The following ZNF385D variants were observed in gnomAD, a reference collection of about 807,000 sequenced individuals.
ZNF385D encodes zinc finger protein 385D.
A neutral mutation model predicts 35.8 loss-of-function variants in ZNF385D; 15 were observed. The observed-to-expected ratio is 0.42, with a 90% CI of 0.28 to 0.64. ZNF385D has a LOEUF of 0.64. ZNF385D is among the 30% of genes least tolerant of loss of function. The pLI is 0.23. For synonymous variants in ZNF385D, 212 were observed against 186.8 expected (o/e 1.13, Z -1.10); for missense variants, 474 against 494.6 (o/e 0.96, Z 0.39).
At chr3:22,183,981 A>G (rs1466690341) in intron 2 of ZNF385D, among the ~76,000 whole-genome samples, 1 of 152,192 alleles carries the variant, frequency 6.6e-6, no homozygotes, top group African/African-American at 2.4e-5. Context: ...GTACAAAACT[A>G]TGAGTTTCAC....
chr3:21,468,449 A>G (rs191095896), intron 4 of ZNF385D, among the ~76,000 whole-genome samples: 185 of 151,270 alleles, frequency 1.2e-3, no homozygotes, highest in Middle Eastern at 0.01. Flanking sequence ...TCAGAGTATA[A>G]TTATACATAA....
intron 1 of ZNF385D, among the ~76,000 whole-genome samples, chr3:21,703,688 C>T (rs2067782487): frequency 6.6e-6 from 1 of 151,764 alleles, no homozygotes; most frequent in African/African-American, 2.4e-5. Flanking sequence ...TGGCATTCTC[C>T]TGTGTAAAGA....
intron 2 of ZNF385D, among the ~76,000 whole-genome samples, chr3:22,326,431 A>AT (rs1346199359): frequency 2.6e-5 from 4 of 152,064 alleles, no homozygotes; most frequent in African/African-American, 9.7e-5. Flanking sequence ...TCTTCCAGGC[A>AT]TTTTCTGCAT....
chr3:21,976,647 T>C (rs946455532), intron 3 of ZNF385D, among the ~76,000 whole-genome samples: 3 of 152,204 alleles, frequency 2.0e-5, no homozygotes, highest in Admixed American at 6.5e-5. Flanking sequence ...AACTCCAGAA[T>C]TGGTAAATAT....
At chr3:21,919,303 T>C (rs4094000) in intron 3 of ZNF385D, among the ~76,000 whole-genome samples, 81,323 of 152,010 alleles carry the variant, frequency 0.53, 23,817 homozygotes, top group South Asian at 0.66. Context: ...TCAGGGAGTT[T>C]GACATTTCAT....
intron 3 of ZNF385D, among the ~76,000 whole-genome samples, chr3:21,822,634 A>C (rs1353106206): frequency 6.6e-6 from 1 of 152,198 alleles, no homozygotes; most frequent in African/African-American, 2.4e-5. Context: ...CATGCACAAG[A>C]AAGTTGATAC....
At chr3:22,162,063 A>G (rs1705991838) in intron 3 of ZNF385D, among the ~76,000 whole-genome samples, 1 of 152,146 alleles carries the variant, frequency 6.6e-6, no homozygotes, top group African/African-American at 2.4e-5. Flanking sequence ...AGTACTTGGA[A>G]CAGTTGATGC....
intron 2 of ZNF385D, among the ~76,000 whole-genome samples, chr3:22,286,822 C>T (rs78533867): frequency 0.014 from 2,125 of 152,136 alleles, 39 homozygotes; most frequent in African/African-American, 0.049. Flanking sequence ...GAATCATCCA[C>T]GTGCACATGA....
chr3:21,813,811 A>G (rs1270556245), intron 3 of ZNF385D, among the ~76,000 whole-genome samples: 1 of 152,198 alleles, frequency 6.6e-6, no homozygotes, highest in Admixed American at 6.5e-5. Flanking sequence ...TCCCCAATCT[A>G]GCAAGGCAGG....
At chr3:22,281,529 A>G (rs1204200639) in intron 2 of ZNF385D, among the ~76,000 whole-genome samples, 2 of 152,002 alleles carry the variant, frequency 1.3e-5, no homozygotes, top group Non-Finnish European at 2.9e-5. Flanking sequence ...GTTACGTGGT[A>G]TATCACATTT....
intron 3 of ZNF385D, among the ~76,000 whole-genome samples, chr3:21,954,017 C>G (rs560722900): frequency 2.6e-5 from 4 of 152,022 alleles, no homozygotes; most frequent in African/African-American, 9.7e-5. Flanking sequence ...GGAAAAGATA[C>G]TCAAATTACT....
At chr3:22,244,364 T>TAAAAAAAAAAAAAAAA (rs34497539) in intron 2 of ZNF385D, among the ~76,000 whole-genome samples, 2 of 62,560 alleles carry the variant, frequency 3.2e-5, no homozygotes, top group African/African-American at 5.2e-5. Context: ...CAACCGAATG[T>TAAAAAAAAAAAAAAAA]AAAAAAAAAA....
At chr3:22,194,018 G>T (rs892252039) in intron 2 of ZNF385D, among the ~76,000 whole-genome samples, 2 of 151,738 alleles carry the variant, frequency 1.3e-5, no homozygotes, top group Non-Finnish European at 2.9e-5. Context: ...TTTTATTTTT[G>T]ATTAGGAGGT....
At chr3:21,996,548 A>T (rs985982546) in intron 3 of ZNF385D, among the ~76,000 whole-genome samples, 6 of 152,106 alleles carry the variant, frequency 3.9e-5, no homozygotes, top group African/African-American at 9.7e-5. Context: ...TCATATTTTG[A>T]TAGAATAATC....
At chr3:22,227,310 T>C (rs1050424007) in intron 2 of ZNF385D, among the ~76,000 whole-genome samples, 2 of 152,024 alleles carry the variant, frequency 1.3e-5, no homozygotes, top group Non-Finnish European at 2.9e-5. Context: ...AAAACACAAT[T>C]TTTATTTCTT....
intron 2 of ZNF385D, among the ~76,000 whole-genome samples, chr3:22,334,376 A>G (rs948560290): frequency 4.6e-5 from 7 of 152,156 alleles, no homozygotes; most frequent in Non-Finnish European, 7.4e-5. Flanking sequence ...AGGGCTTTCT[A>G]ATATGTTAGT....
At chr3:21,665,316 T>G (rs2066372470) in intron 1 of ZNF385D, among the ~76,000 whole-genome samples, 1 of 152,116 alleles carries the variant, frequency 6.6e-6, no homozygotes, top group African/African-American at 2.4e-5. Flanking sequence ...GAGCTCCAGA[T>G]TGGGTCAGTC....
chr3:22,353,693 T>C (rs1005440799), intron 2 of ZNF385D, among the ~76,000 whole-genome samples: 3 of 152,204 alleles, frequency 2.0e-5, no homozygotes, highest in African/African-American at 4.8e-5. Context: ...GATTTCAATA[T>C]GCAATTAGAC....
chr3:22,176,227 G>T (rs1189460058), intron 2 of ZNF385D, among the ~76,000 whole-genome samples: 1 of 151,870 alleles, frequency 6.6e-6, no homozygotes, highest in South Asian at 2.1e-4. Context: ...CACAGCTAAC[G>T]AACTCACCAA....
Sources: allele counts gnomAD v4.1 joint callset (sites outside exome capture counted in the v4.1 genomes callset), GRCh38; gene constraint gnomAD v4.1.1; transcripts MANE v1.5; gene names NCBI Gene and HGNC (gene_info 2026-07-23, HGNC 2026-07-21).